RIMBP2: variants seen among roughly 807,000 people sequenced by gnomAD.
RIMBP2 encodes the protein RIMS-binding protein 2.
RIMBP2 carries 48 observed loss-of-function variants against 118.6 expected under a neutral mutation model. The observed-to-expected ratio is 0.40, with a 90% CI of 0.32 to 0.51. The LOEUF (loss-of-function observed/expected upper bound fraction) is 0.51, where lower values mean the gene tolerates loss of function less well. RIMBP2 is among the 20% of genes least tolerant of loss of function. The probability of loss-of-function intolerance (pLI) is 0.41; values close to 1 mark genes in which losing one functional copy is unlikely to be tolerated. For synonymous variants in RIMBP2, 762 were observed against 742.9 expected (o/e 1.03, Z -0.42); for missense variants, 1,551 against 1,768.3 (o/e 0.88, Z 2.20).
chr12:130,679,892 C>T (rs1014336649), intron 1 of RIMBP2, among the ~76,000 whole-genome samples: 6 of 150,790 alleles, frequency 4.0e-5, no homozygotes, highest in African/African-American at 1.2e-4. Flanking sequence ...GGGAAGGATC[C>T]GTGAGTGTGA....
chr12:130,443,693 A>G (rs2078309282), intron 10 of RIMBP2, among the ~76,000 whole-genome samples: 3 of 152,186 alleles, frequency 2.0e-5, no homozygotes, highest in Admixed American at 1.3e-4. Context: ...GCAGGAGCCA[A>G]TCCTTTGCAC....
chr12:130,586,104 G>C (rs184322275), intron 2 of RIMBP2, among the ~76,000 whole-genome samples: 1 of 152,326 alleles, frequency 6.6e-6, no homozygotes, highest in African/African-American at 2.4e-5. Flanking sequence ...TCACTAATCT[G>C]TCTCTGATGA....
chr12:130,460,192 C>A (rs1427958207), intron 6 of RIMBP2, among the ~76,000 whole-genome samples: 1 of 152,104 alleles, frequency 6.6e-6, no homozygotes, highest in Non-Finnish European at 1.5e-5. Flanking sequence ...TCATCAGGGC[C>A]GGGTTCCCTC....
intron 6 of RIMBP2, among the ~76,000 whole-genome samples, chr12:130,457,218 C>G (rs564016092): frequency 6.6e-6 from 1 of 152,198 alleles, no homozygotes; most frequent in Non-Finnish European, 1.5e-5. Context: ...CCCGCCCCCT[C>G]GGACTGTAGA....
Position 130,620,045 on chromosome 12 carries a change from A to C in RIMBP2, c.-217+8277T>G, listed in dbSNP as rs1360601581. Among the ~76,000 whole-genome samples the C allele has an allele frequency of 6.6e-6, 1 of 152,136 alleles. No homozygotes were observed. The highest frequency in any genetic ancestry group is 1.5e-5 in the Non-Finnish European group (1 of 68,024). ...TGCAGACTTGACTTGATGTCGAGAA[A>C]GAGGCTCCTGGACCCCTGCGGCAAC... is the stretch of plus-strand genomic sequence containing the variant. On this transcript the variant is annotated intron_variant, in intron 2 of 22. Coordinates refer to ENST00000690449, the MANE Select transcript of RIMBP2 (RefSeq NM_001393629.1). This position sits in a 1 kb window ranked among gnomAD's most constrained non-coding sequence, Gnocchi z 5.3.
At chr12:130,430,534 A>G (rs1215016461) in intron 14 of RIMBP2, 2 of 152,074 alleles carry the variant, frequency 1.3e-5, no homozygotes, top group Non-Finnish European at 2.9e-5. Context: ...ATAAGGGTAC[A>G]GACTTTCGGT....
At chr12:130,594,418 C>G (rs2059438683) in intron 2 of RIMBP2, among the ~76,000 whole-genome samples, 1 of 152,180 alleles carries the variant, frequency 6.6e-6, no homozygotes, top group African/African-American at 2.4e-5. Context: ...GATTGCATTG[C>G]ACATAGAAGA....
At chr12:130,596,739 C>T (rs1178674147) in intron 2 of RIMBP2, among the ~76,000 whole-genome samples, 1 of 152,202 alleles carries the variant, frequency 6.6e-6, no homozygotes, top group African/African-American at 2.4e-5. Flanking sequence ...ACTGATATTC[C>T]TGTGCCATTG....
In RIMBP2 at chr12:130,683,626, G is replaced by A. The variant is rs909810213; in HGVS notation, c.-352+32596C>T. 5.9e-5 allele frequency among the ~76,000 whole-genome samples: 9 copies of A among 152,128 alleles called. No individual in the cohort carries two copies. The highest frequency in any genetic ancestry group is 1.3e-4 in the Admixed American group (2 of 15,276). ...AAGACACAGGTCATAAAGACCTTGC[G>A]GATAAAACAGTTGCAGTAAACAAGC... On this transcript the variant is annotated intron_variant, in intron 1 of 22. Coordinates refer to ENST00000690449, the MANE Select transcript of RIMBP2 (RefSeq NM_001393629.1). This position sits in a 1 kb window ranked among gnomAD's most constrained non-coding sequence, Gnocchi z 4.4.
rs549820186 is a variant in RIMBP2, at chr12:130,710,724, A to G, written c.-352+5498T>C. Among the ~76,000 whole-genome samples the G allele has an allele frequency of 6.6e-6, 1 of 152,298 alleles. No homozygotes were observed. Among genetic ancestry groups the G allele is most frequent in the East Asian group, 1.9e-4 (1 of 5,158 alleles). ...AAGGAGAGAGCCCCCCTCATCTCCC[A>G]CACTGGGTCTCTCCAGCAAGTGCTT... On this transcript the variant is annotated intron_variant, in intron 1 of 22. Transcript: ENST00000690449. The surrounding 1 kb of genome is among the most constrained non-coding windows in gnomAD (Gnocchi z 4.3).
intron 2 of RIMBP2, among the ~76,000 whole-genome samples, chr12:130,610,820 A>G (rs1185737386): frequency 1.3e-5 from 2 of 151,976 alleles, no homozygotes; most frequent in Non-Finnish European, 2.9e-5. Flanking sequence ...TCGGCCTCCC[A>G]AAGTGCTGGG....
At chr12:130,531,298 C>T (rs2139330007) in intron 2 of RIMBP2, among the ~76,000 whole-genome samples, 1 of 152,298 alleles carries the variant, frequency 6.6e-6, no homozygotes, top group South Asian at 2.1e-4. Context: ...AGAAGTAGGA[C>T]ATTCGCTGCC....
At chr12:130,414,469 C>G in intron 17 of RIMBP2, 163 bp from the exon 18 acceptor site, 1 of 625,662 alleles carries the variant, frequency 1.6e-6, no homozygotes, top group Non-Finnish European at 2.7e-6. Context: ...AGGTCTAGGT[C>G]AGATGAATTG....
At chr12:130,439,868 GGTGT>G (rs72002735) in intron 11 of RIMBP2, among the ~76,000 whole-genome samples, 4 of 119,616 alleles carry the variant, frequency 3.3e-5, no homozygotes, top group African/African-American at 1.3e-4. Context: ...GGTGTCTGTG[GGTGT>G]GTGTATGTGG....
At chr12:130,706,311 C>G (rs184138977) in intron 1 of RIMBP2, among the ~76,000 whole-genome samples, 2 of 152,322 alleles carry the variant, frequency 1.3e-5, no homozygotes, top group East Asian at 3.9e-4. Flanking sequence ...AATAACAATC[C>G]GTCGAGGAGA....
At chr12:130,491,857 T>C (rs1417105231) in intron 4 of RIMBP2, among the ~76,000 whole-genome samples, 1 of 152,268 alleles carries the variant, frequency 6.6e-6, no homozygotes, top group Non-Finnish European at 1.5e-5. Context: ...GCAGGATTTA[T>C]TTTTAAAGCA....
chr12:130,438,334 A>AGGCCCCCCCCCCCCC, intron 12 of RIMBP2, 31 bp downstream of exon 12: 1 of 1,344,518 alleles, frequency 7.4e-7, no homozygotes, highest in Non-Finnish European at 1.1e-6. Context: ...GGGCCTAACA[A>AGGCCCCCCCCCCCCC]ACCCTCCCCA....
Position 130,456,710 on chromosome 12 carries a change from A to G in RIMBP2, c.154-10T>C. The G allele has an allele frequency of 6.3e-7, 1 of 1,593,334 alleles. No individual in the cohort carries two copies. On this transcript the variant is annotated splice_polypyrimidine_tract_variant and intron_variant, in intron 6 of 22. Transcript: ENST00000690449. The stretch of plus-strand genomic sequence containing the variant: ...GCTCTCGAACCTTGGACTGCACGGC[A>G]GAAGCAGGACAGGGGGTCAGCGGTG...
chr12:130,579,196 T>C (rs1176483618), intron 2 of RIMBP2, among the ~76,000 whole-genome samples: 3 of 152,208 alleles, frequency 2.0e-5, no homozygotes, highest in African/African-American at 7.2e-5. Context: ...TGTGCGATCT[T>C]GGATCAGGAG....
Sources: gnomAD v4.1 joint callset for allele counts (sites outside exome capture counted in the v4.1 genomes callset) on GRCh38, gnomAD v4.1.1 for gene constraint, Gnocchi (gnomAD v3.1) non-coding constraint, MANE v1.5 for transcripts, NCBI Gene and HGNC (gene_info 2026-07-23, HGNC 2026-07-21) for gene names.